Variants in DCDC1 observed in about 807,000 individuals in gnomAD.
The protein encoded by DCDC1 is doublecortin domain-containing protein 1.
Under a neutral mutation model 178.3 loss-of-function variants are expected in DCDC1, and 200 were observed. The observed-to-expected ratio is 1.12, with a 90% CI of 1.00 to 1.26. The LOEUF is 1.26. Among genes scored for constraint, DCDC1 ranks in the 50% most tolerant of loss-of-function variants. The pLI, the probability that DCDC1 is intolerant of heterozygous loss-of-function variation, is 0.00. For synonymous variants in DCDC1, 690 were observed against 604.8 expected (o/e 1.14, Z -2.07); for missense variants, 1,983 against 1,749.2 (o/e 1.13, Z -2.38).
At chr11:31,005,952 G>GAAAA (rs35225668) in intron 20 of DCDC1, among the ~76,000 whole-genome samples, 4 of 47,812 alleles carry the variant, frequency 8.4e-5, no homozygotes, top group African/African-American at 3.1e-4. Context: ...TCTTATTCCT[G>GAAAA]AAAAAAAAAA....
chr11:31,144,191 G>C (rs962278713), intron 9 of DCDC1, among the ~76,000 whole-genome samples: 25 of 152,248 alleles, frequency 1.6e-4, no homozygotes, highest in Admixed American at 5.9e-4. Context: ...CTAGAGTGCA[G>C]TGGTACAATC....
At chr11:30,939,484 C>T (rs1243943479) in intron 21 of DCDC1, among the ~76,000 whole-genome samples, 1 of 152,184 alleles carries the variant, frequency 6.6e-6, no homozygotes, top group East Asian at 1.9e-4. Flanking sequence ...CAGGCACATC[C>T]AGGGCAGTCA....
chr11:31,354,875 GTC>G (rs1379775424), intron 1 of DCDC1, among the ~76,000 whole-genome samples: 1 of 152,116 alleles, frequency 6.6e-6, no homozygotes, highest in Non-Finnish European at 1.5e-5. Context: ...ATCACATCAA[GTC>G]TCTGAGAGCT....
At chr11:31,178,058 A>C (rs187242982) in intron 9 of DCDC1, among the ~76,000 whole-genome samples, 31 of 152,352 alleles carry the variant, frequency 2.0e-4, no homozygotes, top group Admixed American at 3.9e-4. Context: ...AAAACATTTC[A>C]TAAAACAGCT....
chr11:31,285,199 T>A (rs950269906), intron 7 of DCDC1, among the ~76,000 whole-genome samples: 4 of 152,084 alleles, frequency 2.6e-5, no homozygotes, highest in African/African-American at 9.7e-5. Context: ...ATTCATAGAA[T>A]CTTAAGAATA....
chr11:31,329,686 G>A (rs1451870741), intron 2 of DCDC1, among the ~76,000 whole-genome samples: 1 of 152,120 alleles, frequency 6.6e-6, no homozygotes, highest in African/African-American at 2.4e-5. Flanking sequence ...TGCTCAGAAT[G>A]ATGCTTTCCA....
chr11:31,261,565 T>C (rs1944784378), intron 8 of DCDC1, among the ~76,000 whole-genome samples: 1 of 152,176 alleles, frequency 6.6e-6, no homozygotes, highest in African/African-American at 2.4e-5. Context: ...ATATAACATT[T>C]ACACAGTATT....
intron 36 of DCDC1, among the ~76,000 whole-genome samples, chr11:30,889,705 G>A (rs1943610282): frequency 6.6e-6 from 1 of 152,182 alleles, no homozygotes; most frequent in East Asian, 1.9e-4. Context: ...GAAGAGATTC[G>A]AAGTTTCTAG....
rs541237643 is a variant in DCDC1 at position 30,971,800 on chromosome 11, G to A, written c.2592-19232C>T. 1.9e-4 allele frequency among the ~76,000 whole-genome samples: 29 copies of A among 151,896 alleles called. No individual in the cohort carries two copies. In the East Asian group the frequency reaches 5.2e-3, roughly 27 times the overall value. ...AATTTTTTGTATTTTTAGTAGAGACGGGGTTTCACTGTATTAGCCACGATG... is the reference window on the plus strand; with the variant it reads ...AATTTTTTGTATTTTTAGTAGAGACAGGGTTTCACTGTATTAGCCACGATG... On this transcript the variant is annotated intron_variant, in intron 20 of 38. Transcript: ENST00000684477.
At chr11:31,014,950 CTTT>C (rs1240423918) in intron 20 of DCDC1, among the ~76,000 whole-genome samples, 2 of 141,270 alleles carry the variant, frequency 1.4e-5, no homozygotes, top group Admixed American at 7.1e-5. Flanking sequence ...TTCTCCTTTT[CTTT>C]TTTTTTTTTT....
chr11:31,230,712 G>T (rs184053793), intron 9 of DCDC1, among the ~76,000 whole-genome samples: 1 of 152,230 alleles, frequency 6.6e-6, no homozygotes, highest in East Asian at 1.9e-4. Context: ...CCTTTACTTA[G>T]AAAACTATGT....
At chr11:30,910,335 T>C (rs1335508894) in intron 28 of DCDC1, among the ~76,000 whole-genome samples, 1 of 152,194 alleles carries the variant, frequency 6.6e-6, no homozygotes, top group Non-Finnish European at 1.5e-5. Context: ...TGTATCTCAC[T>C]GTGGTCTGTG....
At chr11:31,336,708 C>T (rs1195976069) in intron 1 of DCDC1, among the ~76,000 whole-genome samples, 1 of 152,118 alleles carries the variant, frequency 6.6e-6, no homozygotes, top group Non-Finnish European at 1.5e-5. Context: ...AACTAGAATC[C>T]CTGATTTTTA....
intron 6 of DCDC1, among the ~76,000 whole-genome samples, chr11:31,301,021 T>C (rs2137534544): frequency 6.6e-6 from 1 of 152,316 alleles, no homozygotes; most frequent in African/African-American, 2.4e-5. Flanking sequence ...TATAATTGTC[T>C]TCAAATCCAC....
intron 9 of DCDC1, among the ~76,000 whole-genome samples, chr11:31,163,922 T>C (rs1966539150): frequency 6.6e-6 from 1 of 152,194 alleles, no homozygotes; most frequent in Admixed American, 6.5e-5. Context: ...GACAAATTCT[T>C]TCACTTCTTT....
At chr11:30,925,824 GA>G (rs1283768820) in intron 22 of DCDC1, among the ~76,000 whole-genome samples, 1 of 152,086 alleles carries the variant, frequency 6.6e-6, no homozygotes, top group Non-Finnish European at 1.5e-5. Flanking sequence ...GGCTTTTTCT[GA>G]TGTAGTCTTG....
chr11:30,896,429 T>C (rs1854074133), intron 34 of DCDC1, among the ~76,000 whole-genome samples: 2 of 152,202 alleles, frequency 1.3e-5, no homozygotes, highest in Non-Finnish European at 2.9e-5. Context: ...TCTTAGAAAC[T>C]AGAGAACACA....
chr11:30,889,513 T>C (rs1181505692), intron 36 of DCDC1, among the ~76,000 whole-genome samples: 1 of 152,206 alleles, frequency 6.6e-6, no homozygotes, highest in Admixed American at 6.5e-5. Context: ...GTCACTGTCA[T>C]TAGCCAGACA....
rs80212035 is a variant in DCDC1 at position 31,263,430 on chromosome 11, T to C, written c.1054+2077A>G. ...AAAGAACAAAAGGAAGGATTCTTTG[T>C]GTTACATGTTTTACAGGTAAATAAC... is the stretch of plus-strand genomic sequence containing the variant. On this transcript the variant is annotated intron_variant, in intron 8 of 38. Coordinates refer to ENST00000684477, the MANE Select transcript of DCDC1 (RefSeq NM_001387274.1). Among the ~76,000 whole-genome samples, 880 of 152,264 alleles carry C rather than the reference T, an allele frequency of 5.8e-3. 4 individuals carry two copies. The highest frequency in any genetic ancestry group is 8.2e-3 in the Non-Finnish European group (557 of 68,012).
Sources: gnomAD v4.1 joint callset for allele counts (sites outside exome capture counted in the v4.1 genomes callset) on GRCh38, gnomAD v4.1.1 for gene constraint, MANE v1.5 for transcripts, NCBI Gene and HGNC (gene_info 2026-07-23, HGNC 2026-07-21) for gene names.